Variants in RPAP1 observed in about 807,000 individuals in gnomAD.
The protein encoded by RPAP1 is RNA polymerase II associated protein 1.
RPAP1 carries 109 observed loss-of-function variants against 142.4 expected under a neutral mutation model. The ratio of observed to expected loss-of-function variants is 0.77; its 90% CI spans 0.66 to 0.90. RPAP1 has a LOEUF of 0.90. Ranked by LOEUF, RPAP1 falls within the 40% of genes least tolerant of loss-of-function variation. RPAP1 has a pLI of 0.00. For missense variants in RPAP1, 1,546 were observed against 1,751.7 expected (o/e 0.88, Z 2.10); for synonymous variants, 704 against 738.9 (o/e 0.95, Z 0.77).
intron 21 of RPAP1, among the ~76,000 whole-genome samples, chr15:41,521,445 G>A (rs2051725111): frequency 6.6e-6 from 1 of 152,132 alleles, no homozygotes; most frequent in South Asian, 2.1e-4. Flanking sequence ...AATACATAAG[G>A]GAGTATCAAA....
intron 1 of RPAP1, among the ~76,000 whole-genome samples, chr15:41,537,443 G>A (rs759802147): frequency 6.6e-6 from 1 of 152,136 alleles, no homozygotes; most frequent in Non-Finnish European, 1.5e-5. Context: ...ACCAGCAGGA[G>A]ACCTGAGGAA....
At position 41,536,997 on chromosome 15, in the gene RPAP1, G is replaced by C; in HGVS notation, c.129C>G (p.Ala43=). 1.9e-6 allele frequency: 3 copies of C among 1,614,086 alleles called. No individual in the cohort carries two copies. Among genetic ancestry groups the C allele is most frequent in the South Asian group, 1.1e-5 (1 of 91,082 alleles). ...CCTGGAGCGGAGGCCGGTCTGAGTT[G>C]GCATCACCACCGCCCCTATTTCCTT... ...VKKGNRGGGD[A]NSDRPPLQDH... The change falls in exon 2 of 25, where the codon GCC becomes GCG. Residue 43 remains alanine, a synonymous_variant. Transcript: ENST00000304330.
At chr15:41,525,217 CAG>C (rs1385665836) in intron 14 of RPAP1, 69 bp from the exon 15 acceptor site, 120 of 1,432,214 alleles carry the variant, frequency 8.4e-5, no homozygotes, top group African/African-American at 1.6e-4. Context: ...CTCAGCTGGA[CAG>C]AGAGTGGCTT....
At chr15:41,527,127 G>C in intron 13 of RPAP1, 40 bp downstream of exon 13, 1 of 1,613,696 alleles carries the variant, frequency 6.2e-7, no homozygotes. Flanking sequence ...ACAAGGCCCA[G>C]CTAGGCTTTT....
rs758920659 is a variant in RPAP1, at chr15:41,535,526, A to C, written c.527T>G (p.Val176Gly). The C allele has an allele frequency of 6.2e-7, 1 of 1,610,768 alleles. No individual in the cohort carries two copies. The highest frequency in any genetic ancestry group is 1.7e-5 in the Admixed American group (1 of 59,064). The part of the protein sequence containing the change: ...GPSVGEVVPN[V>G]GPPEGAVTCE... Reference sequence around the variant, plus strand: ...CCCCGGCTCACCCTCTGGTGGGCCCACGTTGGGCACAACTTCCCCAACTGA... The same window carrying C: ...CCCCGGCTCACCCTCTGGTGGGCCCCCGTTGGGCACAACTTCCCCAACTGA... Residue 176 changes from valine to glycine, a missense_variant, in exon 5 of 25, where the codon GTG (valine) becomes GGG (glycine). Around this residue, in one of 3 missense-constraint regions of RPAP1, gnomAD observed 1,333 missense variants for 1,486.6 expected, o/e 0.90. Coordinates refer to ENST00000304330, the MANE Select transcript of RPAP1 (RefSeq NM_015540.4).
rs1207152515 is a variant in RPAP1 at position 41,535,575 on chromosome 15, TC to T, written c.477del (p.Arg160GlyfsTer2). On this transcript the variant is annotated frameshift_variant, in exon 5 of 25. Coordinates refer to ENST00000304330, the MANE Select transcript of RPAP1 (RefSeq NM_015540.4). LOFTEE classifies it high-confidence loss of function. ...RSIFAQEIAARRIAEAKGPSV... is the reference protein window; with the variant it reads ...RSIFAQEIAAXRIAEAKGPSV... Reference sequence around the variant, plus strand: ...GATGGGCCCTTGGCTTCAGCTATCCTCCTTGCCGCAATTTCCTGGGCAAAGA... The same window carrying T: ...GATGGGCCCTTGGCTTCAGCTATCCTCTTGCCGCAATTTCCTGGGCAAAGA... 6.2e-7 allele frequency: 1 copy of T among 1,614,096 alleles called. No individual in the cohort carries two copies.
At chr15:41,542,545 T>A (rs1034406760) in intron 1 of RPAP1, among the ~76,000 whole-genome samples, 1 of 152,238 alleles carries the variant, frequency 6.6e-6, no homozygotes, top group Non-Finnish European at 1.5e-5. Flanking sequence ...AATTACTATT[T>A]GTAGCATGAC....
chr15:41,520,656 T>G lies in RPAP1; in HGVS notation c.3530A>C (p.His1177Pro), dbSNP rs765586157. 2.5e-6 allele frequency: 4 copies of G among 1,614,144 alleles called. No homozygotes were observed. Among genetic ancestry groups the G allele is most frequent in the Non-Finnish European group, 3.4e-6 (4 of 1,180,024 alleles). The change falls in exon 22 of 25, where the codon CAT becomes CCT. Residue 1177 changes from histidine (H) to proline (P), a missense_variant. This residue lies in a region of RPAP1 where 1,333 missense variants were observed against 1,486.6 expected (regional missense o/e 0.90). Transcript: ENST00000304330. Reference sequence around the variant, plus strand: ...CTGGGCGAGGAGGGCTGCCACCAGATGCTGTACTGGGGACTCCCGGAACAG... The same window carrying G: ...CTGGGCGAGGAGGGCTGCCACCAGAGGCTGTACTGGGGACTCCCGGAACAG... ...SELFRESPVQHLVAALLAQLC... is the reference protein window; with the variant it reads ...SELFRESPVQPLVAALLAQLC...
intron 9 of RPAP1, 106 bp downstream of exon 9, chr15:41,529,364 A>G (rs2051825098): frequency 5.5e-6 from 4 of 725,716 alleles, no homozygotes; most frequent in Non-Finnish European, 9.5e-6. Flanking sequence ...CAGCAAAGGC[A>G]TGAACTAGAA....
At position 41,521,117 on chromosome 15, in the gene RPAP1, G is replaced by A. The variant is rs560427396; in HGVS notation, c.3069C>T (p.Ala1023=). The A allele has an allele frequency of 1.8e-5, 27 of 1,516,142 alleles. No individual in the cohort carries two copies. The South Asian group carries it at 2.0e-4, about 11-fold the overall frequency. The allele number at this position is 1,516,142 out of a possible 1,614,324, so 93.9% of individuals were successfully genotyped here. ...CTAACGACAGCTGGTCAGAGAAGTC[G>A]GCTGCCTCTGGACCCCCTGATGTTC... ...PERTSGGPEA[A]DFSDQLSLGS... Residue 1023 remains alanine, a synonymous_variant, in exon 22 of 25, where the codon GCC becomes GCT. Coordinates refer to ENST00000304330, the MANE Select transcript of RPAP1 (RefSeq NM_015540.4).
chr15:41,518,725 C>T (rs1319561716), intron 22 of RPAP1, among the ~76,000 whole-genome samples: 1 of 151,412 alleles, frequency 6.6e-6, no homozygotes, highest in Non-Finnish European at 1.5e-5. Flanking sequence ...TGCCTGTAAT[C>T]CCAGCTACTC....
At chr15:41,518,678 CA>C (rs112073549) in intron 22 of RPAP1, among the ~76,000 whole-genome samples, 138 of 136,370 alleles carry the variant, frequency 1.0e-3, no homozygotes, top group Middle Eastern at 3.9e-3. Flanking sequence ...GACTCCGTCT[CA>C]AAAAAAAAAA....
chr15:41,543,984 C>T (rs11855689), intron 1 of RPAP1: 9 of 152,248 alleles, frequency 5.9e-5, no homozygotes, highest in Non-Finnish European at 1.2e-4. Flanking sequence ...CCGCTCAGGT[C>T]AAGGGCTCCA....
At chr15:41,533,195 C>T (rs1200632792) in intron 6 of RPAP1, among the ~76,000 whole-genome samples, 2 of 152,072 alleles carry the variant, frequency 1.3e-5, no homozygotes, top group Non-Finnish European at 2.9e-5. Flanking sequence ...AAAGGTCAGG[C>T]ACGGTGGCTC....
At position 41,527,007 on chromosome 15, in the gene RPAP1, G is replaced by C; in HGVS notation, c.1808C>G (p.Ser603Cys). The C allele has an allele frequency of 6.2e-7, 1 of 1,614,230 alleles. No homozygotes were observed. The highest frequency in any genetic ancestry group is 8.5e-7 in the Non-Finnish European group (1 of 1,180,048). Residue 603 changes from serine (S) to cysteine (C), a missense_variant, in exon 14 of 25, where the codon TCT (serine) becomes TGT (cysteine). Physicochemically the swap from Ser to Cys is moderately radical, Grantham distance 112. Coordinates refer to ENST00000304330, the MANE Select transcript of RPAP1 (RefSeq NM_015540.4). ...IVREFLPTSWSPVGAGPTPSL... is the reference protein window; with the variant it reads ...IVREFLPTSWCPVGAGPTPSL... Reference sequence around the variant, plus strand: ...AGGGGTAGGCCCTGCCCCCACAGGAGACCAACTGGTGGGCAAGAACTCTCG... The same window carrying C: ...AGGGGTAGGCCCTGCCCCCACAGGACACCAACTGGTGGGCAAGAACTCTCG...
chr15:41,518,466 GA>G (rs758151766), intron 22 of RPAP1: 140 of 262,740 alleles, frequency 5.3e-4, no homozygotes, highest in Non-Finnish European at 8.6e-4. Context: ...CGGATCACAC[GA>G]AATTAGGAAT....
chr15:41,536,177 G>C lies in RPAP1; in HGVS notation c.372C>G (p.Pro124=). ...TSSVAVNLPV[P]SGVAFPAVFL... ...ACACAGCAGGGAAAGCAACACCACT[G>C]GGCACAGGCAGATTCACGGCCACTG... The change falls in exon 4 of 25, where the codon CCC becomes CCG. Residue 124 remains proline (P), a synonymous_variant. Transcript: ENST00000304330. 1 of 1,614,094 alleles carries C rather than the reference G, an allele frequency of 6.2e-7. No homozygotes were observed. Among genetic ancestry groups the C allele is most frequent in the South Asian group, 1.1e-5 (1 of 91,076 alleles).
Position 41,536,230 on chromosome 15 carries a change from A to T in RPAP1, c.331-12T>A. 1 of 1,613,044 alleles carries T rather than the reference A, an allele frequency of 6.2e-7. No individual in the cohort carries two copies. Reference sequence around the variant, plus strand: ...CTTGTATCTCGTTCCTGTAGCAACAAAGCACAAAGTTGTGAAGCACAATGG... The same window carrying T: ...CTTGTATCTCGTTCCTGTAGCAACATAGCACAAAGTTGTGAAGCACAATGG... On this transcript the variant is annotated splice_polypyrimidine_tract_variant and intron_variant, in intron 3 of 24. Transcript: ENST00000304330.
chr15:41,526,198 C>T (rs2051788554), intron 14 of RPAP1, among the ~76,000 whole-genome samples: 1 of 152,240 alleles, frequency 6.6e-6, no homozygotes, highest in African/African-American at 2.4e-5. Flanking sequence ...GATCCACCAC[C>T]TCGGTCTCCC....
Sources: allele counts gnomAD v4.1 joint callset (sites outside exome capture counted in the v4.1 genomes callset), GRCh38; gene constraint gnomAD v4.1.1; regional missense constraint gnomAD v4.1.1; transcripts MANE v1.5; gene names NCBI Gene and HGNC (gene_info 2026-07-23, HGNC 2026-07-21).